G3BP1: variants seen among roughly 807,000 people sequenced by gnomAD.
G3BP1 encodes ras GTPase-activating protein-binding protein 1.
G3BP1 carries 35 observed loss-of-function variants against 58.6 expected under a neutral mutation model. The ratio of observed to expected loss-of-function variants is 0.60; its 90% confidence interval spans 0.46 to 0.79. G3BP1 has a LOEUF of 0.79. Among genes scored for constraint, G3BP1 ranks in the 30% least tolerant of loss-of-function variants. G3BP1 has a pLI of 0.00. For missense variants in G3BP1, 523 were observed against 580.8 expected, an observed-to-expected ratio of 0.90 and a Z score of 1.02; for synonymous variants, 191 against 195.4, an observed-to-expected ratio of 0.98 and a Z score of 0.19.
chr5:151,807,715 CTA>C lies in G3BP1; in HGVS notation c.*3626_*3627del, dbSNP rs1762958662. The C allele has an allele frequency of 6.6e-6, 1 of 152,132 alleles. No homozygotes were observed. The highest frequency in any genetic ancestry group is 1.5e-5 in the Non-Finnish European group (1 of 68,020). 9.4% of individuals were successfully genotyped at this position (152,132 alleles called of 1,614,324 possible). Reference sequence around the variant, plus strand: ...CCTTCTGATACTTTTCTTCATCCCTCTATTTGAAAAACCCTTGTAGAATTTAA... The same window carrying C: ...CCTTCTGATACTTTTCTTCATCCCTCTTTGAAAAACCCTTGTAGAATTTAA... On this transcript the variant is annotated 3_prime_UTR_variant, in exon 12 of 12. Transcript: ENST00000356245.
At chr5:151,792,063 C>G (rs1160405039) in intron 4 of G3BP1, 1 of 456,116 alleles carries the variant, frequency 2.2e-6, no homozygotes, top group Non-Finnish European at 4.4e-6. Flanking sequence ...TGCACTGTTC[C>G]TGGCCCAGTC....
intron 1 of G3BP1, among the ~76,000 whole-genome samples, chr5:151,778,152 G>A (rs1327926443): frequency 6.6e-6 from 1 of 152,142 alleles, no homozygotes; most frequent in Non-Finnish European, 1.5e-5. Flanking sequence ...GTAGATGTAT[G>A]CCTAACTTTT....
chr5:151,774,958 C>T (rs148715425), intron 1 of G3BP1, among the ~76,000 whole-genome samples: 31 of 152,162 alleles, frequency 2.0e-4, no homozygotes, highest in African/African-American at 7.5e-4. Context: ...TCTTGGACAT[C>T]CTGTCTGTCT....
chr5:151,787,738 C>G (rs1257146417), intron 2 of G3BP1: 5 of 271,550 alleles, frequency 1.8e-5, no homozygotes, highest in Non-Finnish European at 3.8e-5. Context: ...TGGACCAGAA[C>G]TATTTTTTCC....
chr5:151,794,843 A>G (rs147155761), intron 5 of G3BP1, among the ~76,000 whole-genome samples: 181 of 152,354 alleles, frequency 1.2e-3, no homozygotes, highest in African/African-American at 4.3e-3. Context: ...CAGATAAGCA[A>G]TCATTTGCCT....
chr5:151,789,895 C>G (rs1480462900), intron 2 of G3BP1, among the ~76,000 whole-genome samples: 1 of 152,096 alleles, frequency 6.6e-6, no homozygotes, highest in Admixed American at 6.5e-5. Flanking sequence ...TCTGCCAGGG[C>G]CAGGCGCGGT....
intron 2 of G3BP1, among the ~76,000 whole-genome samples, 160 bp from the exon 3 acceptor site, chr5:151,790,163 C>G (rs1366525574): frequency 6.8e-6 from 1 of 147,196 alleles, no homozygotes; most frequent in Admixed American, 6.8e-5. Flanking sequence ...CCCGGCACAT[C>G]GAAGCTGCAA....
intron 2 of G3BP1, 87 bp from the exon 3 acceptor site, chr5:151,790,236 A>C (rs1337961972): frequency 2.9e-6 from 2 of 687,230 alleles, no homozygotes; most frequent in African/African-American, 3.8e-5. Context: ...GTTGCAAAAA[A>C]AAAAAAAAAA....
rs1200987344 is a variant in G3BP1 at position 151,809,552 on chromosome 5, G to T, written c.*5461G>T. On this transcript the variant is annotated 3_prime_UTR_variant, in exon 12 of 12. Transcript: ENST00000356245. Reference sequence around the variant, plus strand: ...ACTTAAATTTTTTTCTTCTATTTTGGTTATTACCAAAAGGAACAGAGAAAC... The same window carrying T: ...ACTTAAATTTTTTTCTTCTATTTTGTTTATTACCAAAAGGAACAGAGAAAC... 1.3e-5 allele frequency: 2 copies of T among 152,116 alleles called. No homozygotes were observed. The highest frequency in any genetic ancestry group is 1.3e-4 in the Admixed American group (2 of 15,286). 9.4% of individuals were successfully genotyped at this position (152,116 alleles called of 1,614,324 possible).
Position 151,805,247 on chromosome 5 carries a change from A to G in G3BP1, c.*1156A>G, listed in dbSNP as rs868156734. On this transcript the variant is annotated 3_prime_UTR_variant, in exon 12 of 12. Transcript: ENST00000356245. Reference sequence around the variant, plus strand: ...TTTTTTTTCTTAAAATCATAGCCATATGGTAAATTTTCTATTTTGTTATGG... The same window carrying G: ...TTTTTTTTCTTAAAATCATAGCCATGTGGTAAATTTTCTATTTTGTTATGG... 1 of 152,116 alleles carries G rather than the reference A, an allele frequency of 6.6e-6. No homozygotes were observed. The highest frequency in any genetic ancestry group is 2.4e-5 in the African/African-American group (1 of 41,266). The allele number at this position is 152,116 out of a possible 1,614,324, so 9.4% of individuals were successfully genotyped here.
intron 1 of G3BP1, among the ~76,000 whole-genome samples, chr5:151,783,222 A>T (rs953449422): frequency 5.9e-5 from 9 of 152,100 alleles, no homozygotes; most frequent in African/African-American, 1.2e-4. Context: ...GAATTGAGAG[A>T]GTGAGAATTC....
intron 1 of G3BP1, among the ~76,000 whole-genome samples, chr5:151,773,067 G>T (rs1416941425): frequency 6.6e-6 from 1 of 152,242 alleles, no homozygotes; most frequent in South Asian, 2.1e-4. Context: ...AAATGAACAT[G>T]GACTGTGTTC....
intron 1 of G3BP1, among the ~76,000 whole-genome samples, chr5:151,776,808 C>T (rs1203825109): frequency 2.0e-5 from 3 of 151,516 alleles, no homozygotes; most frequent in Non-Finnish European, 4.4e-5. Flanking sequence ...CTCAAGCAAT[C>T]CTCTTGTCTT....
rs1004587007 is a variant in G3BP1 at position 151,811,104 on chromosome 5, T to C, written c.*7013T>C. 1 of 152,270 alleles carries C rather than the reference T, an allele frequency of 6.6e-6. No individual in the cohort carries two copies. The highest frequency in any genetic ancestry group is 1.5e-5 in the Non-Finnish European group (1 of 68,046). 9.4% of individuals were successfully genotyped at this position (152,270 alleles called of 1,614,324 possible). On this transcript the variant is annotated 3_prime_UTR_variant, in exon 12 of 12. Transcript: ENST00000356245. ...TCAGCTAAGTCCTGTCAGTTCTACC[T>C]CAAGTCTTTCCCGTCTTTCTTCCTC...
chr5:151,801,821 T>C (rs935751069), intron 11 of G3BP1, among the ~76,000 whole-genome samples: 1 of 147,994 alleles, frequency 6.8e-6, no homozygotes, highest in Non-Finnish European at 1.5e-5. Flanking sequence ...ATTTTTTTAT[T>C]TTTTTTTTTT....
chr5:151,776,394 A>T (rs1244852658), intron 1 of G3BP1, among the ~76,000 whole-genome samples: 2 of 152,168 alleles, frequency 1.3e-5, no homozygotes, highest in African/African-American at 4.8e-5. Flanking sequence ...AGAGAGGGGA[A>T]TTAGGCTCTA....
chr5:151,776,691 C>A (rs1263012356), intron 1 of G3BP1, among the ~76,000 whole-genome samples: 1 of 151,256 alleles, frequency 6.6e-6, no homozygotes, highest in Non-Finnish European at 1.5e-5. Flanking sequence ...TAATTTTATT[C>A]TTTGGGTTGT....
rs1443978353 is a variant in G3BP1, at chr5:151,772,770, C to A, written c.-50+734C>A. The A allele has an allele frequency of 3.9e-5, 6 of 152,204 alleles. No homozygotes were observed. In the East Asian group the frequency reaches 1.2e-3, roughly 29 times the overall value. 9.4% of individuals were successfully genotyped at this position (152,204 alleles called of 1,614,324 possible). ...GGGCGGGGATTTGTTGACGCCGGGC[C>A]CTCTGACTCCGAGCTCCCCGCTTCC... is the stretch of plus-strand genomic sequence containing the variant. On this transcript the variant is annotated intron_variant, in intron 1 of 11. Coordinates refer to ENST00000356245, the MANE Select transcript of G3BP1 (RefSeq NM_005754.3).
rs950925436 is a variant in G3BP1, at chr5:151,809,640, A to G, written c.*5549A>G. The G allele has an allele frequency of 1.3e-5, 2 of 152,150 alleles. No individual in the cohort carries two copies. Among genetic ancestry groups the G allele is most frequent in the East Asian group, 3.9e-4 (2 of 5,188 alleles). 9.4% of individuals were successfully genotyped at this position (152,150 alleles called of 1,614,324 possible). A position where few individuals can be genotyped will look rare whatever the true frequency, so the allele number is the denominator to read the frequency against. Reference sequence around the variant, plus strand: ...AAAGGACTAGGAAGTGACTTGTACAACCCCTTCATTTTACAAAGGATCAGA... The same window carrying G: ...AAAGGACTAGGAAGTGACTTGTACAGCCCCTTCATTTTACAAAGGATCAGA... On this transcript the variant is annotated 3_prime_UTR_variant, in exon 12 of 12. Transcript: ENST00000356245.
Sources: gnomAD v4.1 joint callset for allele counts (sites outside exome capture counted in the v4.1 genomes callset) on GRCh38, gnomAD v4.1.1 for gene constraint, MANE v1.5 for transcripts, NCBI Gene and HGNC (gene_info 2026-07-23, HGNC 2026-07-21) for gene names.